The following DNAH12 variants were observed in gnomAD, a reference collection of about 807,000 sequenced individuals.
The protein encoded by DNAH12 is dynein axonemal heavy chain 12.
In DNAH12, 285 loss-of-function variants were observed where a neutral mutation model predicts 371.5. That is an observed-to-expected ratio of 0.77 (90% confidence interval 0.70 to 0.85). The LOEUF (loss-of-function observed/expected upper bound fraction) is 0.85. DNAH12 is among the 40% of genes least tolerant of loss of function. The pLI is 0.00. For missense variants in DNAH12, 3,611 were observed against 3,689.4 expected (o/e 0.98, Z 0.55); for synonymous variants, 1,200 against 1,213.0 (o/e 0.99, Z 0.22).
At chr3:57,327,757 T>G (rs1205207183) in intron 62 of DNAH12, among the ~76,000 whole-genome samples, 2 of 151,832 alleles carry the variant, frequency 1.3e-5, no homozygotes, top group East Asian at 3.9e-4. Flanking sequence ...TTCAAAAAAT[T>G]AATGAATCCA....
chr3:57,363,934 T>C (rs2062992623), intron 57 of DNAH12, 148 bp from the exon 58 acceptor site: 1 of 152,064 alleles, frequency 6.6e-6, no homozygotes, highest in South Asian at 2.1e-4. Context: ...CATATAACTA[T>C]TTGAGAAGTT....
intron 5 of DNAH12, 115 bp from the exon 6 acceptor site, chr3:57,509,327 T>A: frequency 9.9e-7 from 1 of 1,010,506 alleles, no homozygotes; most frequent in Non-Finnish European, 1.4e-6. Flanking sequence ...AAAAGGAATG[T>A]AAGAAAAAAC....
At chr3:57,416,566 A>G (rs1482505655) in intron 37 of DNAH12, among the ~76,000 whole-genome samples, 1 of 152,224 alleles carries the variant, frequency 6.6e-6, no homozygotes, top group African/African-American at 2.4e-5. Flanking sequence ...TGGGGGCAGC[A>G]TGTGAATAAC....
chr3:57,517,506 T>C (rs574352206), intron 4 of DNAH12, among the ~76,000 whole-genome samples: 1 of 152,210 alleles, frequency 6.6e-6, no homozygotes, highest in East Asian at 1.9e-4. Flanking sequence ...AAAACTAAGC[T>C]TGAATAAAAT....
Position 57,310,836 on chromosome 3 carries a change from T to A in DNAH12, c.10777A>T (p.Met3593Leu). 1.3e-6 allele frequency: 2 copies of A among 1,551,610 alleles called. No individual in the cohort carries two copies. The highest frequency in any genetic ancestry group is 1.7e-6 in the Non-Finnish European group (2 of 1,146,934). Residue 3593 changes from methionine (M) to leucine (L), a missense_variant, in exon 67 of 74, where the codon ATG becomes TTG. Physicochemically the swap from Met to Leu is conservative, Grantham distance 15. Coordinates refer to ENST00000495027, the MANE Select transcript of DNAH12 (RefSeq NM_001366028.2). The part of the protein sequence containing the change: ...DDWDRRLLLT[M>L]LADFYNLYIV... ...TACAGATTATAAAAGTCAGCCAGCA[T>A]GGTTAATAGAAGACGTCTGTCCCAA...
intron 65 of DNAH12, among the ~76,000 whole-genome samples, chr3:57,316,655 C>T (rs1482614811): frequency 6.6e-6 from 1 of 152,122 alleles, no homozygotes; most frequent in African/African-American, 2.4e-5. Flanking sequence ...ATAATCCCTG[C>T]GTGTTGAGGG....
rs868936598 is a variant in DNAH12, at chr3:57,344,530, G to A, written c.9674+7555C>T. ...GCACTATTCACAATAACCAAGGTAT[G>A]GAATCAACCTAAGTGTTCAACAACA... On this transcript the variant is annotated intron_variant, in intron 60 of 73. Coordinates refer to ENST00000495027, the MANE Select transcript of DNAH12 (RefSeq NM_001366028.2). Among the ~76,000 whole-genome samples the A allele has an allele frequency of 5.3e-5, 8 of 152,178 alleles. No homozygotes were observed. The Middle Eastern group carries it at 0.017, about 324-fold the overall frequency.
chr3:57,452,770 A>T (rs2153373658), intron 25 of DNAH12, 73 bp downstream of exon 25: 1 of 1,364,294 alleles, frequency 7.3e-7, no homozygotes. Context: ...TCCAGGTAAG[A>T]CAAGAGAGAA....
intron 60 of DNAH12, among the ~76,000 whole-genome samples, chr3:57,335,881 G>A (rs2062210762): frequency 6.6e-6 from 1 of 152,212 alleles, no homozygotes; most frequent in South Asian, 2.1e-4. Flanking sequence ...TTGAGTCTTT[G>A]TTCAGCACCA....
chr3:57,347,867 A>C (rs1338875226), intron 60 of DNAH12, among the ~76,000 whole-genome samples: 1 of 152,238 alleles, frequency 6.6e-6, no homozygotes, highest in African/African-American at 2.4e-5. Context: ...AACACTATTA[A>C]AATGGCCACT....
chr3:57,486,123 G>A (rs964387500), intron 12 of DNAH12, among the ~76,000 whole-genome samples: 4 of 150,894 alleles, frequency 2.7e-5, no homozygotes, highest in African/African-American at 9.8e-5. Flanking sequence ...GGGGGCTGAG[G>A]AGATTCCAGG....
At chr3:57,302,310 C>G (rs553705263) in intron 69 of DNAH12, among the ~76,000 whole-genome samples, 26 of 151,738 alleles carry the variant, frequency 1.7e-4, no homozygotes, top group Middle Eastern at 3.4e-3. Flanking sequence ...CGTGCAATGG[C>G]TGAAACAAAC....
In DNAH12 at chr3:57,324,763, C is replaced by T. The variant is rs375072415; in HGVS notation, c.9979-1144G>A. ...GCACCATGCACAAGCCGAAGCAGGGCGAGGCATTGCCTCACTCGGGAAGCG... is the reference window on the plus strand; with the variant it reads ...GCACCATGCACAAGCCGAAGCAGGGTGAGGCATTGCCTCACTCGGGAAGCG... On this transcript the variant is annotated intron_variant, in intron 62 of 73. Transcript: ENST00000495027. Among the ~76,000 whole-genome samples the T allele has an allele frequency of 4.0e-3, 604 of 152,298 alleles. 5 individuals are homozygous for T. Among genetic ancestry groups the T allele is most frequent in the African/African-American group, 0.014 (561 of 41,554 alleles).
At chr3:57,309,001 C>T (rs549323491) in intron 69 of DNAH12, 150 bp downstream of exon 69, 20 of 522,080 alleles carry the variant, frequency 3.8e-5, no homozygotes, top group African/African-American at 1.4e-4. Flanking sequence ...CCCCTAATCC[C>T]GCTTGAAGCA....
chr3:57,501,259 G>T, intron 11 of DNAH12, 62 bp downstream of exon 11: 1 of 1,231,318 alleles, frequency 8.1e-7, no homozygotes, highest in Non-Finnish European at 1.2e-6. Flanking sequence ...TTTTAGAATG[G>T]AAAGATCCTA....
chr3:57,452,690 T>C (rs1232854143), intron 25 of DNAH12, among the ~76,000 whole-genome samples, 153 bp downstream of exon 25: 2 of 152,184 alleles, frequency 1.3e-5, no homozygotes, highest in African/African-American at 4.8e-5. Flanking sequence ...CACCCAGAAG[T>C]AAATATTCAC....
At chr3:57,339,782 A>G (rs1559568488) in intron 60 of DNAH12, among the ~76,000 whole-genome samples, 2 of 152,152 alleles carry the variant, frequency 1.3e-5, no homozygotes, top group African/African-American at 2.4e-5. Context: ...AAAAGAAGTT[A>G]AGAGAGAAAG....
chr3:57,373,331 T>C (rs2063215354), intron 55 of DNAH12, among the ~76,000 whole-genome samples: 1 of 151,868 alleles, frequency 6.6e-6, no homozygotes, highest in Non-Finnish European at 1.5e-5. Flanking sequence ...TTTTTTTTTT[T>C]TTGAGACAGA....
At chr3:57,346,240 T>C (rs1380164043) in intron 60 of DNAH12, among the ~76,000 whole-genome samples, 1 of 151,760 alleles carries the variant, frequency 6.6e-6, no homozygotes, top group East Asian at 1.9e-4. Flanking sequence ...ATAGCAACAA[T>C]GTATTTGGTG....
Sources: allele counts gnomAD v4.1 joint callset (sites outside exome capture counted in the v4.1 genomes callset), GRCh38; gene constraint gnomAD v4.1.1; transcripts MANE v1.5; gene names NCBI Gene and HGNC (gene_info 2026-07-23, HGNC 2026-07-21).